The following DCUN1D3 variants were observed in gnomAD, a reference collection of about 807,000 sequenced individuals.
The protein encoded by DCUN1D3 is DCN1-like protein 3.
DCUN1D3 carries 6 observed loss-of-function variants against 24.8 expected under a neutral mutation model. The observed-to-expected ratio is 0.24, with a 90% CI of 0.13 to 0.48. The LOEUF (loss-of-function observed/expected upper bound fraction) is 0.48. Ranked by LOEUF, DCUN1D3 falls within the 20% of genes least tolerant of loss-of-function variation. The probability of loss-of-function intolerance (pLI) is 0.99; values close to 1 mark genes in which losing one functional copy is unlikely to be tolerated. For synonymous variants in DCUN1D3, 120 were observed against 144.9 expected, an observed-to-expected ratio of 0.83 and a Z score of 1.24; for missense variants, 258 against 379.4, an observed-to-expected ratio of 0.68 and a Z score of 2.66.
chr16:20,894,512 C>A (rs2081906522), intron 1 of DCUN1D3, among the ~76,000 whole-genome samples: 1 of 152,182 alleles, frequency 6.6e-6, no homozygotes, highest in African/African-American at 2.4e-5. Context: ...TGCGGTTGAG[C>A]CCTCCAGCAG....
chr16:20,871,378 A>C (rs2081787363), intron 1 of DCUN1D3, among the ~76,000 whole-genome samples: 1 of 152,224 alleles, frequency 6.6e-6, no homozygotes, highest in African/African-American at 2.4e-5. Flanking sequence ...GAAGGGAGAA[A>C]GGGGGTAGGG....
At chr16:20,888,422 T>C (rs993971184) in intron 1 of DCUN1D3, among the ~76,000 whole-genome samples, 8 of 152,242 alleles carry the variant, frequency 5.3e-5, no homozygotes, top group African/African-American at 1.9e-4. Flanking sequence ...AGACTGACTC[T>C]AGAGACTATG....
intron 1 of DCUN1D3, among the ~76,000 whole-genome samples, chr16:20,893,495 TTC>T (rs1443562227): frequency 6.6e-6 from 1 of 152,236 alleles, no homozygotes; most frequent in Non-Finnish European, 1.5e-5. Flanking sequence ...TTTTCTTGAT[TTC>T]TGTTTTCCCA....
At chr16:20,890,999 A>G (rs1330830705) in intron 1 of DCUN1D3, among the ~76,000 whole-genome samples, 27 of 145,700 alleles carry the variant, frequency 1.9e-4, no homozygotes, top group Admixed American at 1.6e-3. Context: ...GTAAAAAATG[A>G]TTTTTTTTTT....
intron 1 of DCUN1D3, among the ~76,000 whole-genome samples, chr16:20,895,224 A>G (rs1168617489): frequency 6.6e-6 from 1 of 151,718 alleles, no homozygotes; most frequent in Non-Finnish European, 1.5e-5. Context: ...CCACCCCAGT[A>G]GCTGGGACTA....
At chr16:20,876,833 G>A (rs568154088) in intron 1 of DCUN1D3, among the ~76,000 whole-genome samples, 1 of 152,294 alleles carries the variant, frequency 6.6e-6, no homozygotes, top group Non-Finnish European at 1.5e-5. Context: ...TACGTTAAGT[G>A]AAATAAACCA....
Position 20,862,556 on chromosome 16 carries a change from C to G in DCUN1D3, c.-18G>C. ...TGGCCCATGGTGCTGGTGGCCTGGC[C>G]TCTAGAGTGGACCCCTCTGGATTGG... On this transcript the variant is annotated 5_prime_UTR_variant, in exon 2 of 3. Transcript: ENST00000324344. 6.3e-7 allele frequency: 1 copy of G among 1,589,974 alleles called. No homozygotes were observed. Among genetic ancestry groups the G allele is most frequent in the Non-Finnish European group, 8.5e-7 (1 of 1,174,326 alleles).
rs1388359765 is a variant in DCUN1D3, at chr16:20,880,125, G to A, written c.-105-17482C>T. On this transcript the variant is annotated intron_variant, in intron 1 of 2. Coordinates refer to ENST00000324344, the MANE Select transcript of DCUN1D3 (RefSeq NM_173475.4). ...TATAATATACTTTATTATGTCTATC[G>A]TGCGTCCAAGGCTTAAATGCATTAC... 7.9e-5 allele frequency among the ~76,000 whole-genome samples: 12 copies of A among 152,136 alleles called. 1 individual carries two copies. Among genetic ancestry groups the A allele is most frequent in the Middle Eastern group, 6.8e-3 (2 of 294 alleles).
chr16:20,888,014 G>C (rs1028041554), intron 1 of DCUN1D3, among the ~76,000 whole-genome samples: 2 of 152,184 alleles, frequency 1.3e-5, no homozygotes, highest in African/African-American at 4.8e-5. Context: ...AGAGTCACTA[G>C]TGTATTTCCC....
intron 1 of DCUN1D3, among the ~76,000 whole-genome samples, chr16:20,880,507 A>C (rs1342540809): frequency 6.9e-6 from 1 of 145,026 alleles, no homozygotes; most frequent in Non-Finnish European, 1.5e-5. Flanking sequence ...TGGGAGACTG[A>C]GATAGGAGGA....
In DCUN1D3 at chr16:20,900,118, C is replaced by G. The variant is rs1293287876; in HGVS notation, c.-106+86G>C. ...CTTCCACTCCTCCCTTTCCACCCCCCTTTCTCGAAGGTACCCAACCCCCGC... is the reference window on the plus strand; with the variant it reads ...CTTCCACTCCTCCCTTTCCACCCCCGTTTCTCGAAGGTACCCAACCCCCGC... On this transcript the variant is annotated intron_variant, in intron 1 of 2. Transcript: ENST00000324344. The G allele has an allele frequency of 3.5e-5, 5 of 144,582 alleles. No homozygotes were observed. In the East Asian group the frequency reaches 8.4e-4, roughly 24 times the overall value. The allele number at this position is 144,582 out of a possible 1,614,324, so 9.0% of individuals were successfully genotyped here. A position where few individuals can be genotyped will look rare whatever the true frequency, so the allele number is the denominator to read the frequency against.
chr16:20,897,875 C>T (rs1217454742), intron 1 of DCUN1D3, among the ~76,000 whole-genome samples: 1 of 152,156 alleles, frequency 6.6e-6, no homozygotes, highest in Non-Finnish European at 1.5e-5. Flanking sequence ...CCAACAGTAC[C>T]TGCAAAAACA....
At chr16:20,882,400 G>A (rs772587250) in intron 1 of DCUN1D3, among the ~76,000 whole-genome samples, 1 of 151,828 alleles carries the variant, frequency 6.6e-6, no homozygotes, top group Non-Finnish European at 1.5e-5. Flanking sequence ...TTACAGGCAT[G>A]TGCCACCACA....
intron 1 of DCUN1D3, among the ~76,000 whole-genome samples, chr16:20,899,310 C>G (rs1322995951): frequency 6.6e-6 from 1 of 152,198 alleles, no homozygotes; most frequent in African/African-American, 2.4e-5. Context: ...AGCAAGAGAC[C>G]TTGATTCCTG....
At chr16:20,875,197 T>C (rs2081807579) in intron 1 of DCUN1D3, among the ~76,000 whole-genome samples, 1 of 146,314 alleles carries the variant, frequency 6.8e-6, no homozygotes, top group Admixed American at 7.0e-5. Flanking sequence ...CAGAATAAAC[T>C]GCGTGCGCTC....
Position 20,862,938 on chromosome 16 carries a change from T to G in DCUN1D3, c.-105-295A>C, listed in dbSNP as rs555648192. Among the ~76,000 whole-genome samples the G allele has an allele frequency of 3.3e-5, 5 of 152,344 alleles. No individual in the cohort carries two copies. The East Asian group carries it at 7.7e-4, about 24-fold the overall frequency. On this transcript the variant is annotated intron_variant, in intron 1 of 2. Coordinates refer to ENST00000324344, the MANE Select transcript of DCUN1D3 (RefSeq NM_173475.4). ...AATGCATCAAAGACTGACAGAAATA[T>G]TCCAGAGGAAATCTGTCTTGCCAAC...
intron 1 of DCUN1D3, among the ~76,000 whole-genome samples, chr16:20,871,068 A>T (rs2081786145): frequency 6.6e-6 from 1 of 152,232 alleles, no homozygotes. Context: ...ATGTGCAAAA[A>T]TAACAAGGAA....
At chr16:20,872,364 C>A (rs577835711) in intron 1 of DCUN1D3, among the ~76,000 whole-genome samples, 35 of 151,988 alleles carry the variant, frequency 2.3e-4, no homozygotes, top group Non-Finnish European at 4.1e-4. Flanking sequence ...TTAAAGGGCA[C>A]CTGGATGACC....
Position 20,880,628 on chromosome 16 carries a change from A to AAC in DCUN1D3, c.-105-17987_-105-17986dup, listed in dbSNP as rs1555497377. ...TCAAAAAAAAAAAAAAAAAAAAAAA[A>AAC]ACAGAAAAAAGAAAAAAGAAAAGAA... On this transcript the variant is annotated intron_variant, in intron 1 of 2. Transcript: ENST00000324344. 2.8e-5 allele frequency among the ~76,000 whole-genome samples: 4 copies of AAC among 141,530 alleles called. No individual in the cohort carries two copies. The South Asian group carries it at 8.8e-4, about 31-fold the overall frequency. The allele number at this position is 141,530 out of a possible 152,430, so 92.8% of individuals were successfully genotyped here.
Sources: allele counts gnomAD v4.1 joint callset (sites outside exome capture counted in the v4.1 genomes callset), GRCh38; gene constraint gnomAD v4.1.1; transcripts MANE v1.5; gene names NCBI Gene and HGNC (gene_info 2026-07-23, HGNC 2026-07-21).